The following TRMT2B variants were observed in gnomAD, a reference collection of about 807,000 sequenced individuals.
TRMT2B encodes the protein tRNA (uracil-5-)-methyltransferase homolog B.
In TRMT2B, 34 loss-of-function variants were observed where a neutral mutation model predicts 39.7. The observed-to-expected ratio is 0.86, with a 90% CI of 0.65 to 1.14. TRMT2B has a LOEUF of 1.14. TRMT2B is among the 50% of genes most tolerant of loss of function. The probability of loss-of-function intolerance (pLI) is 0.00; values close to 1 mark genes in which losing one functional copy is unlikely to be tolerated. For synonymous variants in TRMT2B, 132 were observed against 137.3 expected, an observed-to-expected ratio of 0.96 and a Z score of 0.27; for missense variants, 318 against 377.2, an observed-to-expected ratio of 0.84 and a Z score of 1.30.
At chrX:101,003,078 CTTT>C in the TRMT2B span, among the ~76,000 whole-genome samples, 3 of 88,066 alleles carry the variant, frequency 3.4e-5, no homozygotes, top group Non-Finnish European at 6.7e-5. Flanking sequence ...CCATGCCAAG[CTTT>C]TTTTTTTTTT....
At chrX:100,988,844 T>C in the TRMT2B span, among the ~76,000 whole-genome samples, 2 of 47,383 alleles carry the variant, frequency 4.2e-5, no homozygotes, top group Non-Finnish European at 3.6e-5. Context: ...TATGAGATAA[T>C]ATATCTCATA....
Position 101,021,096 on chromosome X carries a change from C to T in TRMT2B, c.1066+5G>A, listed in dbSNP as rs1320684236. 4.1e-6 allele frequency: 5 copies of T among 1,207,494 alleles called. No homozygotes were observed. Among genetic ancestry groups the T allele is most frequent in the Non-Finnish European group, 5.6e-6 (5 of 893,916 alleles). The stretch of plus-strand genomic sequence containing the variant: ...ATGCAGATTCTGCCCTGGGCTTCCA[C>T]TTGCCAGTTCCACAGCAGATGTCAA... On this transcript the variant is annotated splice_donor_5th_base_variant and intron_variant, in intron 10 of 13. Coordinates refer to ENST00000372936, the MANE Select transcript of TRMT2B (RefSeq NM_024917.6).
At chrX:101,017,767 C>T (rs1248827624) in intron 13 of TRMT2B, among the ~76,000 whole-genome samples, 1 of 112,144 alleles carries the variant, frequency 8.9e-6, no homozygotes, top group Non-Finnish European at 1.9e-5. Flanking sequence ...CTGCAGCCTA[C>T]AGGCTAGCCA....
At chrX:100,990,164 G>A in the TRMT2B span, among the ~76,000 whole-genome samples, 2 of 111,561 alleles carry the variant, frequency 1.8e-5, no homozygotes, top group Non-Finnish European at 3.8e-5. Flanking sequence ...GAGCAAGAGT[G>A]AGAGAAAGTA....
In TRMT2B at chrX:101,041,338, C is replaced by G; in HGVS notation, c.282G>C (p.Leu94Phe). The G allele has an allele frequency of 8.3e-7, 1 of 1,210,328 alleles. No individual in the cohort carries two copies. The highest frequency in any genetic ancestry group is 1.1e-6 in the Non-Finnish European group (1 of 894,771). Residue 94 changes from leucine (L) to phenylalanine (F), a missense_variant, in exon 4 of 14, where the codon TTG becomes TTC. Transcript: ENST00000372936. ...CTACCTTGAGCTGTTCTTCATAGCT[C>G]AACCTCCAGAGTGGTGTCACAACAT... ...LADVVTPLWR[L>F]SYEEQLKVKF...
the TRMT2B span, among the ~76,000 whole-genome samples, chrX:100,981,865 T>C: frequency 1.0e-4 from 11 of 106,784 alleles, no homozygotes; most frequent in African/African-American, 3.8e-4. Context: ...TCACCTAATT[T>C]TTGGTTCTTA....
chrX:101,001,305 G>A, the TRMT2B span, among the ~76,000 whole-genome samples: 2 of 110,617 alleles, frequency 1.8e-5, no homozygotes, highest in Non-Finnish European at 3.8e-5. Flanking sequence ...GTACAATCAT[G>A]GCTCACTGGA....
intron 13 of TRMT2B, among the ~76,000 whole-genome samples, chrX:101,018,575 G>A (rs1332382561): frequency 3.7e-5 from 4 of 108,966 alleles, no homozygotes; most frequent in Admixed American, 1.0e-4. Context: ...TCAACCACCC[G>A]AGTAGCTGGG....
At chrX:101,020,097 A>G (rs1332086113) in intron 11 of TRMT2B, among the ~76,000 whole-genome samples, 1 of 111,741 alleles carries the variant, frequency 8.9e-6, no homozygotes, top group Non-Finnish European at 1.9e-5. Context: ...TCTATATTGC[A>G]GTTTGACAGA....
the TRMT2B span, among the ~76,000 whole-genome samples, chrX:101,001,558 A>G: frequency 5.3e-3 from 580 of 110,456 alleles, 6 homozygotes; most frequent in African/African-American, 0.018. Context: ...TCTAAACACC[A>G]TTCTACACTG....
intron 7 of TRMT2B, among the ~76,000 whole-genome samples, chrX:101,026,450 TG>T (rs372986352): frequency 1.9e-3 from 168 of 89,748 alleles, no homozygotes; most frequent in African/African-American, 7.3e-3. Context: ...CACTCCAGCC[TG>T]GGTGACAGAG....
chrX:101,003,095 G>C, the TRMT2B span, among the ~76,000 whole-genome samples: 1 of 74,552 alleles, frequency 1.3e-5, no homozygotes, highest in Non-Finnish European at 2.7e-5. Context: ...TTTTTTTTTT[G>C]GTAGAGACAT....
chrX:100,982,202 T>C, the TRMT2B span, among the ~76,000 whole-genome samples: 1 of 110,966 alleles, frequency 9.0e-6, no homozygotes, highest in Non-Finnish European at 1.9e-5. Context: ...GAACGAGGCC[T>C]GGAGGTGGCT....
intron 2 of TRMT2B, among the ~76,000 whole-genome samples, chrX:101,049,912 G>T: frequency 8.9e-6 from 1 of 112,161 alleles, no homozygotes; most frequent in Non-Finnish European, 1.9e-5. Context: ...GTCTGAGAAG[G>T]CCAGTGGCCT....
At chrX:100,986,941 C>T in the TRMT2B span, 21 of 949,262 alleles carry the variant, frequency 2.2e-5, no homozygotes, top group Non-Finnish European at 2.6e-5. Context: ...CTCTGGAGCC[C>T]AGCTGATGCA....
At chrX:100,990,097 T>C in the TRMT2B span, among the ~76,000 whole-genome samples, 1 of 112,493 alleles carries the variant, frequency 8.9e-6, no homozygotes, top group Non-Finnish European at 1.9e-5. Context: ...AAAATTCCTG[T>C]GAAGAAGCCT....
In TRMT2B at chrX:101,021,085, C is replaced by T; in HGVS notation, c.1066+16G>A. The T allele has an allele frequency of 1.7e-6, 2 of 1,205,765 alleles. No individual in the cohort carries two copies. Among genetic ancestry groups the T allele is most frequent in the East Asian group, 3.0e-5 (1 of 33,801 alleles). On this transcript the variant is annotated intron_variant, in intron 10 of 13. Transcript: ENST00000372936. ...AGCTGAGCAGCATGCAGATTCTGCCCTGGGCTTCCACTTGCCAGTTCCACA... is the reference window on the plus strand; with the variant it reads ...AGCTGAGCAGCATGCAGATTCTGCCTTGGGCTTCCACTTGCCAGTTCCACA...
chrX:100,974,864 G>T, the TRMT2B span, among the ~76,000 whole-genome samples: 5 of 111,688 alleles, frequency 4.5e-5, no homozygotes, highest in East Asian at 1.4e-3. Flanking sequence ...TTGGATAAAT[G>T]AAGTAGTATG....
At chrX:101,007,628 C>G (rs1455648832), downstream of TRMT2B, among the ~76,000 whole-genome samples, 2 of 111,620 alleles carry the variant, frequency 1.8e-5, no homozygotes, top group African/African-American at 6.5e-5. Flanking sequence ...TGCACTCCAG[C>G]CTGGGTGACA....
Sources: allele counts gnomAD v4.1 joint callset (sites outside exome capture counted in the v4.1 genomes callset), GRCh38; gene constraint gnomAD v4.1.1; transcripts MANE v1.5; gene names NCBI Gene and HGNC (gene_info 2026-07-23, HGNC 2026-07-21).